CADM2: variants seen among roughly 807,000 people sequenced by gnomAD.
CADM2 encodes the protein immunoglobulin superfamily member 4D.
In CADM2, 12 loss-of-function variants were observed where a neutral mutation model predicts 49.8. The ratio of observed to expected loss-of-function variants is 0.24; its 90% CI spans 0.15 to 0.39. The LOEUF (loss-of-function observed/expected upper bound fraction) is 0.39, where lower values mean the gene tolerates loss of function less well. Ranked by LOEUF, CADM2 falls within the 10% of genes least tolerant of loss-of-function variation. CADM2 has a pLI of 1.00. For missense variants in CADM2, 378 were observed against 492.3 expected, an observed-to-expected ratio of 0.77 and a Z score of 2.20; for synonymous variants, 214 against 175.4, an observed-to-expected ratio of 1.22 and a Z score of -1.74.
At chr3:85,804,333 A>C (rs2072263004) in intron 3 of CADM2, among the ~76,000 whole-genome samples, 1 of 152,156 alleles carries the variant, frequency 6.6e-6, no homozygotes, top group Non-Finnish European at 1.5e-5. Flanking sequence ...ATATGGAAAA[A>C]TATTAATTTA....
intron 2 of CADM2, among the ~76,000 whole-genome samples, chr3:85,748,022 AT>A (rs770786630): frequency 3.4e-4 from 51 of 152,202 alleles, no homozygotes; most frequent in Non-Finnish European, 2.8e-4. Flanking sequence ...AATATGGTTC[AT>A]TTTTAACATT....
At chr3:85,233,419 A>G (rs980437588) in intron 1 of CADM2, among the ~76,000 whole-genome samples, 2 of 152,138 alleles carry the variant, frequency 1.3e-5, no homozygotes, top group Admixed American at 1.3e-4. Flanking sequence ...TGACTCATCC[A>G]TCGTAACTCA....
At chr3:85,373,377 G>A (rs1272513562) in intron 1 of CADM2, among the ~76,000 whole-genome samples, 1 of 152,118 alleles carries the variant, frequency 6.6e-6, no homozygotes, top group African/African-American at 2.4e-5. Context: ...GATGCAAGGG[G>A]TGGGTTCCCA....
chr3:85,558,246 A>C (rs1271178071), intron 1 of CADM2, among the ~76,000 whole-genome samples: 1 of 151,988 alleles, frequency 6.6e-6, no homozygotes, highest in East Asian at 1.9e-4. Flanking sequence ...AATATAAGTA[A>C]ATATAACTGG....
chr3:85,806,735 A>AAAAAC (rs896189640), intron 3 of CADM2, among the ~76,000 whole-genome samples: 7 of 151,868 alleles, frequency 4.6e-5, no homozygotes, highest in Non-Finnish European at 7.4e-5. Context: ...GCTCTGTCTC[A>AAAAAC]AAAACAAAAC....
intron 1 of CADM2, among the ~76,000 whole-genome samples, chr3:85,294,494 C>A (rs1309676576): frequency 1.3e-5 from 2 of 151,952 alleles, no homozygotes; most frequent in East Asian, 1.9e-4. Context: ...CAATCCTAAG[C>A]CAAAAGAACA....
At chr3:85,751,354 T>A (rs535956070) in intron 2 of CADM2, among the ~76,000 whole-genome samples, 2 of 152,276 alleles carry the variant, frequency 1.3e-5, no homozygotes, top group Non-Finnish European at 2.9e-5. Context: ...AGAGTAAAAC[T>A]CTTAAGGATA....
chr3:85,560,265 G>C (rs2062060949), intron 1 of CADM2, among the ~76,000 whole-genome samples: 1 of 152,182 alleles, frequency 6.6e-6, no homozygotes, highest in Non-Finnish European at 1.5e-5. Flanking sequence ...AGGTGCACCA[G>C]CTTGATGACC....
intron 1 of CADM2, among the ~76,000 whole-genome samples, chr3:85,572,874 C>A (rs950677964): frequency 6.6e-6 from 1 of 152,150 alleles, no homozygotes; most frequent in African/African-American, 2.4e-5. Context: ...TCAGACTTAC[C>A]TTTATCTCCT....
chr3:85,220,394 G>A (rs2042018658), intron 1 of CADM2, among the ~76,000 whole-genome samples: 1 of 152,044 alleles, frequency 6.6e-6, no homozygotes, highest in Non-Finnish European at 1.5e-5. Context: ...CTATATTACT[G>A]TCTAAATGTG....
At chr3:85,200,073 T>A (rs2107743427) in intron 1 of CADM2, among the ~76,000 whole-genome samples, 1 of 152,242 alleles carries the variant, frequency 6.6e-6, no homozygotes, top group East Asian at 1.9e-4. Flanking sequence ...ATGGGTTAAC[T>A]GAAAGCAGTG....
At chr3:85,854,269 C>A (rs1685621658) in intron 3 of CADM2, among the ~76,000 whole-genome samples, 1 of 152,016 alleles carries the variant, frequency 6.6e-6, no homozygotes, top group Admixed American at 6.6e-5. Context: ...CTCAGCAATC[C>A]CACTACTGGG....
chr3:85,416,312 A>T (rs1172024913), intron 1 of CADM2, among the ~76,000 whole-genome samples: 1 of 152,152 alleles, frequency 6.6e-6, no homozygotes, highest in Non-Finnish European at 1.5e-5. Flanking sequence ...ATGGCCTTTC[A>T]CACAAAGATA....
At chr3:85,810,797 C>T (rs933102871) in intron 3 of CADM2, among the ~76,000 whole-genome samples, 3 of 152,286 alleles carry the variant, frequency 2.0e-5, no homozygotes, top group African/African-American at 7.2e-5. Flanking sequence ...GCCTCAGCCT[C>T]CCCAAGTGCT....
intron 1 of CADM2, among the ~76,000 whole-genome samples, chr3:85,075,197 T>C (rs189822590): frequency 6.6e-6 from 1 of 152,102 alleles, no homozygotes; most frequent in East Asian, 1.9e-4. Context: ...ATGTACCTAA[T>C]TTAGTGATCA....
At chr3:85,072,151 A>T (rs1051458330) in intron 1 of CADM2, among the ~76,000 whole-genome samples, 2 of 151,910 alleles carry the variant, frequency 1.3e-5, no homozygotes, top group Non-Finnish European at 2.9e-5. Flanking sequence ...TTATGAATAA[A>T]ATTAAACATT....
intron 1 of CADM2, among the ~76,000 whole-genome samples, chr3:85,343,800 G>A (rs968353601): frequency 5.9e-5 from 9 of 152,182 alleles, no homozygotes; most frequent in Admixed American, 1.3e-4. Context: ...AACTTTCACA[G>A]TGTTCTTGAT....
intron 1 of CADM2, among the ~76,000 whole-genome samples, chr3:85,670,766 T>C (rs2065712248): frequency 6.6e-6 from 1 of 152,174 alleles, no homozygotes; most frequent in South Asian, 2.1e-4. Flanking sequence ...GAGGAAGTAA[T>C]TTAGCAAGAC....
intron 2 of CADM2, among the ~76,000 whole-genome samples, chr3:85,734,978 A>ATGTGTG (rs142565193): frequency 0.15 from 21,714 of 148,168 alleles, 1,712 homozygotes; most frequent in African/African-American, 0.2. Flanking sequence ...AAATATATAT[A>ATGTGTG]TGTGTGTGTG....
Sources: allele counts gnomAD v4.1 joint callset (sites outside exome capture counted in the v4.1 genomes callset), GRCh38; gene constraint gnomAD v4.1.1; transcripts MANE v1.5; gene names NCBI Gene and HGNC (gene_info 2026-07-23, HGNC 2026-07-21).